The following GCFC2 variants were observed in gnomAD, a reference collection of about 807,000 sequenced individuals.
GCFC2 encodes the protein GC-rich sequence DNA-binding factor 2.
GCFC2 carries 102 observed loss-of-function variants against 99.4 expected under a neutral mutation model. The observed-to-expected ratio is 1.03, with a 90% CI of 0.87 to 1.21. GCFC2 has a LOEUF of 1.21. GCFC2 is among the 50% of genes most tolerant of loss of function. The pLI, the probability that GCFC2 is intolerant of heterozygous loss-of-function variation, is 0.00. For missense variants in GCFC2, 973 were observed against 920.9 expected (o/e 1.06, Z -0.73); for synonymous variants, 338 against 316.8 (o/e 1.07, Z -0.71).
At chr2:75,690,893 G>T in intron 7 of GCFC2, 174 bp from the exon 8 acceptor site, 1 of 502,680 alleles carries the variant, frequency 2.0e-6, no homozygotes, top group Non-Finnish European at 3.5e-6. Flanking sequence ...ACTCTTTATT[G>T]CAATATTAAC....
intron 1 of GCFC2, among the ~76,000 whole-genome samples, chr2:75,709,859 AT>A (rs1446600613): frequency 1.9e-4 from 29 of 152,250 alleles, no homozygotes; most frequent in Non-Finnish European, 1.5e-4. Context: ...ACAATAAAAA[AT>A]AATAGGAAGA....
intron 5 of GCFC2, among the ~76,000 whole-genome samples, chr2:75,695,935 A>C (rs570409941): frequency 6.6e-6 from 1 of 152,196 alleles, no homozygotes; most frequent in African/African-American, 2.4e-5. Context: ...TGAATTGTTT[A>C]TTTCTGGAAT....
intron 11 of GCFC2, among the ~76,000 whole-genome samples, chr2:75,683,771 C>CAAAAA (rs749580096): frequency 5.0e-4 from 30 of 60,384 alleles, no homozygotes; most frequent in East Asian, 1.1e-3. Flanking sequence ...AAATGGAAAG[C>CAAAAA]AAAAAAAAAA....
chr2:75,679,155 T>G (rs1433573353), intron 12 of GCFC2, among the ~76,000 whole-genome samples: 2 of 152,244 alleles, frequency 1.3e-5, no homozygotes, highest in African/African-American at 4.8e-5. Context: ...CATCTTATTT[T>G]CTCTGAGATT....
Position 75,664,669 on chromosome 2 carries a change from ATCT to A in GCFC2, c.2340_2342del (p.Glu780del). On this transcript the variant is annotated inframe_deletion, in exon 17 of 17. Coordinates refer to ENST00000321027, the MANE Select transcript of GCFC2 (RefSeq NM_003203.5). ...AGCATTTTCCAATAAAGTTTATTCAATCTTCTTTAATTAGTGATTTAAGATGGT... is the reference window on the plus strand; with the variant it reads ...AGCATTTTCCAATAAAGTTTATTCAATCTTTAATTAGTGATTTAAGATGGT... The A allele has an allele frequency of 7.7e-7, 1 of 1,300,962 alleles. No individual in the cohort carries two copies. Among genetic ancestry groups the A allele is most frequent in the Non-Finnish European group, 1.1e-6 (1 of 905,636 alleles). 80.6% of individuals were successfully genotyped at this position (1,300,962 alleles called of 1,614,324 possible). A position where few individuals can be genotyped will look rare whatever the true frequency, so the allele number is the denominator to read the frequency against.
At chr2:75,700,883 C>T (rs189895287) in intron 4 of GCFC2, among the ~76,000 whole-genome samples, 8 of 152,030 alleles carry the variant, frequency 5.3e-5, no homozygotes, top group East Asian at 1.9e-4. Flanking sequence ...AGTATCCTTA[C>T]GAGAAAAACA....
At chr2:75,673,847 A>C (rs560452705) in intron 12 of GCFC2, among the ~76,000 whole-genome samples, 23 of 152,308 alleles carry the variant, frequency 1.5e-4, no homozygotes, top group African/African-American at 5.3e-4. Context: ...ATACATTTCT[A>C]ATGGGTATAT....
chr2:75,668,680 A>G (rs1035547078), intron 15 of GCFC2, among the ~76,000 whole-genome samples: 3 of 152,176 alleles, frequency 2.0e-5, no homozygotes, highest in Non-Finnish European at 2.9e-5. Context: ...GAAGACCATC[A>G]TGTTTTTAGG....
At chr2:75,695,477 A>G (rs1339937933) in intron 5 of GCFC2, among the ~76,000 whole-genome samples, 1 of 152,230 alleles carries the variant, frequency 6.6e-6, no homozygotes, top group Non-Finnish European at 1.5e-5. Context: ...GCTTATAATC[A>G]TATTAAATAG....
intron 5 of GCFC2, among the ~76,000 whole-genome samples, chr2:75,695,804 C>T (rs1420163431): frequency 6.6e-6 from 1 of 152,148 alleles, no homozygotes; most frequent in East Asian, 1.9e-4. Flanking sequence ...GACTAACAGG[C>T]TGCTGGCTTA....
intron 11 of GCFC2, among the ~76,000 whole-genome samples, chr2:75,681,061 C>G (rs1679552758): frequency 6.6e-6 from 1 of 152,202 alleles, no homozygotes; most frequent in African/African-American, 2.4e-5. Context: ...ATCACTTGTA[C>G]TAGATTTTTT....
intron 1 of GCFC2, among the ~76,000 whole-genome samples, chr2:75,709,493 A>G (rs1420675570): frequency 6.6e-6 from 1 of 152,182 alleles, no homozygotes; most frequent in Non-Finnish European, 1.5e-5. Flanking sequence ...TATGTAATCT[A>G]AAAAAGTGGA....
chr2:75,709,520 A>G (rs897745302), intron 1 of GCFC2, among the ~76,000 whole-genome samples: 5 of 152,214 alleles, frequency 3.3e-5, no homozygotes, highest in Admixed American at 6.5e-5. Context: ...AAATCACAGA[A>G]GCAGAGAGTC....
chr2:75,685,749 T>TC (rs1679784841), intron 11 of GCFC2, among the ~76,000 whole-genome samples: 1 of 140,734 alleles, frequency 7.1e-6, no homozygotes, highest in Non-Finnish European at 1.5e-5. Context: ...TGACTGGACC[T>TC]CCCCCTTTAA....
At chr2:75,676,119 G>A (rs1212892324) in intron 12 of GCFC2, among the ~76,000 whole-genome samples, 1 of 152,022 alleles carries the variant, frequency 6.6e-6, no homozygotes, top group South Asian at 2.1e-4. Context: ...TTTGCGTATC[G>A]GATTGCGTAA....
chr2:75,666,664 G>A (rs1040735764), intron 15 of GCFC2, among the ~76,000 whole-genome samples: 1 of 150,190 alleles, frequency 6.7e-6, no homozygotes, highest in African/African-American at 2.5e-5. Context: ...ACAAGATTTT[G>A]AGAAAAGTTT....
intron 15 of GCFC2, among the ~76,000 whole-genome samples, chr2:75,668,650 T>G (rs1171370724): frequency 6.6e-6 from 1 of 152,202 alleles, no homozygotes; most frequent in Admixed American, 6.5e-5. Context: ...TTATTTTCCT[T>G]TCACATTTTT....
Position 75,696,214 on chromosome 2 carries a change from C to T in GCFC2, c.819G>A (p.Lys273=), listed in dbSNP as rs1573079262. The part of the protein sequence containing the change: ...FPPVNLEIIK[K]QLNTRLTLLQ... Reference sequence around the variant, plus strand: ...GTATTGCTCACCTAGTATTTAATTGCTTCTTTATAATTTCTAAATTTACTG... The same window carrying T: ...GTATTGCTCACCTAGTATTTAATTGTTTCTTTATAATTTCTAAATTTACTG... Residue 273 remains lysine (K), a synonymous_variant, in exon 5 of 17, where the codon AAG becomes AAA. Coordinates refer to ENST00000321027, the MANE Select transcript of GCFC2 (RefSeq NM_003203.5). 7.8e-7 allele frequency: 1 copy of T among 1,280,684 alleles called. No individual in the cohort carries two copies. The highest frequency in any genetic ancestry group is 1.1e-6 in the Non-Finnish European group (1 of 879,802). The allele number at this position is 1,280,684 out of a possible 1,614,324, so 79.3% of individuals were successfully genotyped here. A position where few individuals can be genotyped will look rare whatever the true frequency, so the allele number is the denominator to read the frequency against.
At chr2:75,677,848 G>T (rs1345153551) in intron 12 of GCFC2, among the ~76,000 whole-genome samples, 1 of 151,392 alleles carries the variant, frequency 6.6e-6, no homozygotes, top group African/African-American at 2.4e-5. Flanking sequence ...CATGGTGGCA[G>T]GTGCCTGTAG....
Sources: gnomAD v4.1 joint callset for allele counts (sites outside exome capture counted in the v4.1 genomes callset) on GRCh38, gnomAD v4.1.1 for gene constraint, MANE v1.5 for transcripts, NCBI Gene and HGNC (gene_info 2026-07-23, HGNC 2026-07-21) for gene names.